CDH13: variants seen among roughly 807,000 people sequenced by gnomAD.
CDH13 encodes cadherin-13.
Under a neutral mutation model 63.8 loss-of-function variants are expected in CDH13, and 24 were observed. The ratio of observed to expected loss-of-function variants is 0.38; its 90% CI spans 0.27 to 0.53. CDH13 has a LOEUF of 0.53. CDH13 is among the 20% of genes least tolerant of loss of function. CDH13 has a pLI of 0.85. For missense variants in CDH13, 1,049 were observed against 903.1 expected (o/e 1.16, Z -2.07); for synonymous variants, 503 against 355.3 (o/e 1.42, Z -4.67).
intron 10 of CDH13, among the ~76,000 whole-genome samples, chr16:83,697,563 G>C (rs1371962827): frequency 6.6e-6 from 1 of 152,216 alleles, no homozygotes; most frequent in Non-Finnish European, 1.5e-5. Flanking sequence ...TTAAGCAGAA[G>C]TGCACATAAG....
chr16:82,797,304 G>GGTC (rs2036630556), intron 1 of CDH13, among the ~76,000 whole-genome samples: 1 of 152,164 alleles, frequency 6.6e-6, no homozygotes. Context: ...ACAGTACAGT[G>GGTC]GTCAGTCAAG....
At chr16:82,814,059 G>C (rs1054254336) in intron 1 of CDH13, among the ~76,000 whole-genome samples, 1 of 152,098 alleles carries the variant, frequency 6.6e-6, no homozygotes. Flanking sequence ...TTGACCCTGA[G>C]GGTTTTATAG....
intron 8 of CDH13, among the ~76,000 whole-genome samples, chr16:83,618,197 G>T (rs1909465573): frequency 6.6e-6 from 1 of 152,104 alleles, no homozygotes; most frequent in Non-Finnish European, 1.5e-5. Flanking sequence ...GGCCGAGGTG[G>T]GCTGATCGCC....
intron 6 of CDH13, among the ~76,000 whole-genome samples, chr16:83,394,807 GCTGA>G: frequency 6.6e-6 from 1 of 152,230 alleles, no homozygotes; most frequent in South Asian, 2.1e-4. Context: ...GTTTGAAAGG[GCTGA>G]CTGATTTGCT....
intron 2 of CDH13, among the ~76,000 whole-genome samples, chr16:82,933,402 T>A (rs1248253144): frequency 6.6e-6 from 1 of 152,066 alleles, no homozygotes; most frequent in Admixed American, 6.5e-5. Context: ...CATGATCCAA[T>A]CACCACTCAT....
At chr16:83,723,654 G>A (rs1377017162) in intron 10 of CDH13, among the ~76,000 whole-genome samples, 2 of 152,202 alleles carry the variant, frequency 1.3e-5, no homozygotes, top group Non-Finnish European at 2.9e-5. Context: ...ACGGCTTTCA[G>A]AGCACATACC....
chr16:82,962,000 G>A (rs546817192), intron 2 of CDH13, among the ~76,000 whole-genome samples: 5 of 152,222 alleles, frequency 3.3e-5, no homozygotes, highest in Admixed American at 2.0e-4. Flanking sequence ...CCAGTTACCT[G>A]GATGTAAATC....
intron 5 of CDH13, among the ~76,000 whole-genome samples, chr16:83,313,071 G>A (rs2090034702): frequency 1.3e-5 from 2 of 152,202 alleles, no homozygotes; most frequent in Non-Finnish European, 2.9e-5. Flanking sequence ...GAAAGGATTG[G>A]CATCAGGGTT....
chr16:83,404,759 C>T (rs932312222), intron 6 of CDH13, among the ~76,000 whole-genome samples: 7 of 152,176 alleles, frequency 4.6e-5, no homozygotes, highest in East Asian at 1.9e-4. Flanking sequence ...CATGTATATC[C>T]TTTTGTGCTG....
intron 5 of CDH13, among the ~76,000 whole-genome samples, chr16:83,299,319 C>G (rs2089677901): frequency 6.6e-6 from 1 of 151,232 alleles, no homozygotes. Flanking sequence ...ATGAATTCCC[C>G]AGAACATTAT....
At chr16:83,232,304 C>A (rs1312824970) in intron 5 of CDH13, among the ~76,000 whole-genome samples, 1 of 143,060 alleles carries the variant, frequency 7.0e-6, no homozygotes, top group Non-Finnish European at 1.5e-5. Flanking sequence ...GCGAGCAGAT[C>A]ACTTGAGGTC....
At chr16:82,831,356 G>A (rs888501584) in intron 1 of CDH13, among the ~76,000 whole-genome samples, 1 of 152,062 alleles carries the variant, frequency 6.6e-6, no homozygotes, top group Non-Finnish European at 1.5e-5. Flanking sequence ...ATTCAGCTTG[G>A]TTGATTATCT....
intron 5 of CDH13, among the ~76,000 whole-genome samples, chr16:83,313,150 C>G (rs962831165): frequency 2.0e-5 from 3 of 152,174 alleles, no homozygotes; most frequent in African/African-American, 7.2e-5. Flanking sequence ...TTGTAAAAAT[C>G]TCTCCTGAGC....
chr16:82,835,659 C>T (rs916391941), intron 1 of CDH13, among the ~76,000 whole-genome samples: 2 of 152,202 alleles, frequency 1.3e-5, no homozygotes, highest in Non-Finnish European at 2.9e-5. Context: ...CTCTGTCCCT[C>T]CACAGGCTTG....
rs372041239 is a variant in CDH13 at position 83,678,287 on chromosome 16, C to T, written c.1364C>T (p.Ser455Phe). 12 of 1,613,878 alleles carry T rather than the reference C, an allele frequency of 7.4e-6. No homozygotes were observed. The highest frequency in any genetic ancestry group is 2.2e-5 in the East Asian group (1 of 44,870). ...ENEDPLVPDV[S>F]YGPSSTATVH... Reference sequence around the variant, plus strand: ...GAAGACCCACTCGTACCCGACGTCTCCTACGGCCCCAGCTCCACAGCCACC... The same window carrying T: ...GAAGACCCACTCGTACCCGACGTCTTCTACGGCCCCAGCTCCACAGCCACC... Residue 455 changes from serine to phenylalanine, a missense_variant, in exon 10 of 14, where the codon TCC becomes TTC. Transcript: ENST00000567109.
intron 1 of CDH13, among the ~76,000 whole-genome samples, chr16:82,675,180 A>G (rs370997613): frequency 7.9e-5 from 12 of 152,238 alleles, no homozygotes; most frequent in Admixed American, 2.0e-4. Context: ...AAGACACACT[A>G]CAGTGAATTA....
At chr16:83,645,614 G>A (rs567300855) in intron 8 of CDH13, among the ~76,000 whole-genome samples, 1 of 152,000 alleles carries the variant, frequency 6.6e-6, no homozygotes, top group South Asian at 2.1e-4. Context: ...GCACCCTCAG[G>A]TGTGGCATTA....
chr16:83,573,688 GT>G lies in CDH13; in HGVS notation c.961-28762del, dbSNP rs151210404. 4.9e-3 allele frequency among the ~76,000 whole-genome samples: 746 copies of G among 152,276 alleles called. 8 individuals are homozygous for G. Among genetic ancestry groups the G allele is most frequent in the African/African-American group, 0.017 (714 of 41,542 alleles). On this transcript the variant is annotated intron_variant, in intron 7 of 13. Transcript: ENST00000567109. ...AAAACAAAGGTAGAAGGAAGCCCAA[GT>G]TTTGTCAATGAGGCTGCATTTTTAA...
chr16:82,793,190 G>A (rs764836877), intron 1 of CDH13, among the ~76,000 whole-genome samples: 2 of 152,236 alleles, frequency 1.3e-5, no homozygotes, highest in Non-Finnish European at 2.9e-5. Context: ...TGAAGCCATT[G>A]TGTCGCCTGT....
Sources: gnomAD v4.1 joint callset for allele counts (sites outside exome capture counted in the v4.1 genomes callset) on GRCh38, gnomAD v4.1.1 for gene constraint, MANE v1.5 for transcripts, NCBI Gene and HGNC (gene_info 2026-07-23, HGNC 2026-07-21) for gene names.